Variants in NADK observed in about 807,000 individuals in gnomAD.
NADK encodes the protein NAD kinase, also known as poly(P)/ATP NAD kinase.
A neutral mutation model predicts 49.8 loss-of-function variants in NADK; 22 were observed. The ratio of observed to expected loss-of-function variants is 0.44; its 90% CI spans 0.32 to 0.63. NADK has a LOEUF of 0.63. Ranked by LOEUF, NADK falls within the 30% of genes least tolerant of loss-of-function variation. The pLI is 0.06. For synonymous variants in NADK, 268 were observed against 253.7 expected (o/e 1.06, Z -0.54); for missense variants, 438 against 609.4 (o/e 0.72, Z 2.96).
At chr1:1,767,072 G>A (rs1645911456) in intron 1 of NADK, among the ~76,000 whole-genome samples, 1 of 152,082 alleles carries the variant, frequency 6.6e-6, no homozygotes, top group Non-Finnish European at 1.5e-5. Context: ...GCGCCACCAC[G>A]CTCAGCTAAT....
At chr1:1,758,143 C>A (rs1041544709) in intron 3 of NADK, among the ~76,000 whole-genome samples, 1 of 152,244 alleles carries the variant, frequency 6.6e-6, no homozygotes, top group South Asian at 2.1e-4. Flanking sequence ...CTATCCTCAG[C>A]CCCAAAGGAC....
intron 1 of NADK, among the ~76,000 whole-genome samples, chr1:1,771,117 T>G (rs1646040078): frequency 6.8e-6 from 1 of 147,772 alleles, no homozygotes; most frequent in East Asian, 1.9e-4. Flanking sequence ...TATATCTTAT[T>G]AAAATATATA....
chr1:1,766,448 A>AAAAAAAAAAC (rs1359870253), intron 1 of NADK, among the ~76,000 whole-genome samples: 1 of 101,794 alleles, frequency 9.8e-6, no homozygotes, highest in Non-Finnish European at 2.1e-5. Flanking sequence ...AAAAAAAAAA[A>AAAAAAAAAAC]AAGACAGGCT....
Position 1,754,805 on chromosome 1 carries a change from G to C in NADK, c.689-107C>G. On this transcript the variant is annotated intron_variant, in intron 7 of 11. Coordinates refer to ENST00000341426, the MANE Select transcript of NADK (RefSeq NM_023018.5). This position sits in a 1 kb window ranked among gnomAD's most constrained non-coding sequence, Gnocchi z 4.3. Reference sequence around the variant, plus strand: ...GTCAGAGGGCTCTTTCTTCTCCCAAGTTGACACACTTCTGTGCCTTTTTCT... The same window carrying C: ...GTCAGAGGGCTCTTTCTTCTCCCAACTTGACACACTTCTGTGCCTTTTTCT... The C allele has an allele frequency of 9.7e-7, 1 of 1,032,288 alleles. No homozygotes were observed. Among genetic ancestry groups the C allele is most frequent in the Non-Finnish European group, 1.4e-6 (1 of 707,806 alleles). 63.9% of individuals were successfully genotyped at this position (1,032,288 alleles called of 1,614,324 possible). A position where few individuals can be genotyped will look rare whatever the true frequency, so the allele number is the denominator to read the frequency against.
At position 1,754,324 on chromosome 1, in the gene NADK, G is replaced by C. The variant is rs1346432549; in HGVS notation, c.903C>G (p.Val301=). ...TGGTGATGAGGTGTCCGTCCAGGTA[G>C]ACATCCACATTGGACAGGTAGGAGG... The part of the protein sequence containing the change: ...GPSSYLSNVD[V]YLDGHLITTV... The change falls in exon 9 of 12, where the codon GTC becomes GTG. Residue 301 remains valine, a synonymous_variant. Coordinates refer to ENST00000341426, the MANE Select transcript of NADK (RefSeq NM_023018.5). The surrounding 1 kb of genome is among the most constrained non-coding windows in gnomAD (Gnocchi z 4.3). The C allele has an allele frequency of 6.2e-7, 1 of 1,613,950 alleles. No homozygotes were observed. The highest frequency in any genetic ancestry group is 8.5e-7 in the Non-Finnish European group (1 of 1,179,964).
At chr1:1,774,591 G>A (rs542346922) in intron 1 of NADK, among the ~76,000 whole-genome samples, 8 of 148,748 alleles carry the variant, frequency 5.4e-5, no homozygotes, top group Non-Finnish European at 9.0e-5. Context: ...CTGGGATTAC[G>A]GGCGTGGCCA....
At chr1:1,759,543 C>A (rs532242327) in intron 3 of NADK, among the ~76,000 whole-genome samples, 1 of 152,254 alleles carries the variant, frequency 6.6e-6, no homozygotes, top group African/African-American at 2.4e-5. Context: ...CCTCACCAGG[C>A]GCCCCCACAG....
rs543317471 is a variant in NADK, at chr1:1,761,212, T to C, written c.263+740A>G. On this transcript the variant is annotated intron_variant, in intron 3 of 11. Coordinates refer to ENST00000341426, the MANE Select transcript of NADK (RefSeq NM_023018.5). Reference sequence around the variant, plus strand: ...TTCACCATATTGGCCAGGCTGGTCTTGAACTCCTGACCTCGTGATCCGCCC... The same window carrying C: ...TTCACCATATTGGCCAGGCTGGTCTCGAACTCCTGACCTCGTGATCCGCCC... 2.5e-4 allele frequency among the ~76,000 whole-genome samples: 38 copies of C among 152,298 alleles called. No individual in the cohort carries two copies. In the East Asian group the frequency reaches 6.2e-3, roughly 25 times the overall value.
In NADK at chr1:1,752,820, G is replaced by A. The variant is rs1049598452; in HGVS notation, c.*84C>T. 25 of 1,480,074 alleles carry A rather than the reference G, an allele frequency of 1.7e-5. No individual in the cohort carries two copies. The highest frequency in any genetic ancestry group is 1.6e-4 in the South Asian group (12 of 77,148). The allele number at this position is 1,480,074 out of a possible 1,614,324, so 91.7% of individuals were successfully genotyped here. ...AAGTGGCCGTGCCACTGAGACAGGC[G>A]GTCACAGACACACGCAGATTGGTCT... On this transcript the variant is annotated 3_prime_UTR_variant, in exon 12 of 12. Transcript: ENST00000341426.
chr1:1,763,064 C>T (rs932451316), intron 2 of NADK, among the ~76,000 whole-genome samples: 8 of 152,372 alleles, frequency 5.3e-5, no homozygotes, highest in South Asian at 2.1e-4. Context: ...TGCAGAAGAA[C>T]GGCCTTCCGC....
At position 1,758,683 on chromosome 1, in the gene NADK, A is replaced by G; in HGVS notation, c.264-1373T>C. ...CCTACACTTATAAAAATCAAACAAA[A>G]CAAAACAGTTTCCTCATTGGTCACA... On this transcript the variant is annotated intron_variant, in intron 3 of 11. Coordinates refer to ENST00000341426, the MANE Select transcript of NADK (RefSeq NM_023018.5). 13 of 1,299,540 alleles carry G rather than the reference A, an allele frequency of 1.0e-5. No homozygotes were observed. The South Asian group carries it at 2.1e-4, about 21-fold the overall frequency. The allele number at this position is 1,299,540 out of a possible 1,614,324, so 80.5% of individuals were successfully genotyped here. A position where few individuals can be genotyped will look rare whatever the true frequency, so the allele number is the denominator to read the frequency against.
chr1:1,752,703 T>C lies in NADK; in HGVS notation c.*201A>G. ...AGCACTCCCAGCCCATTTCTCACGC[T>C]TCTTTAGAAATGCAAAAAAAGTCAG... is the stretch of plus-strand genomic sequence containing the variant. On this transcript the variant is annotated 3_prime_UTR_variant, in exon 12 of 12. Coordinates refer to ENST00000341426, the MANE Select transcript of NADK (RefSeq NM_023018.5). 1.6e-6 allele frequency: 1 copy of C among 612,816 alleles called. No homozygotes were observed. The highest frequency in any genetic ancestry group is 1.9e-5 in the African/African-American group (1 of 53,774). The allele number at this position is 612,816 out of a possible 1,614,324, so 38.0% of individuals were successfully genotyped here.
chr1:1,755,044 C>A (rs576028414), intron 7 of NADK: 325 of 416,944 alleles, frequency 7.8e-4, no homozygotes, highest in Admixed American at 1.7e-3. Flanking sequence ...ATGGTCTCAT[C>A]TCTTGACCTC....
chr1:1,777,773 G>A (rs752226279), intron 1 of NADK, among the ~76,000 whole-genome samples: 9 of 152,174 alleles, frequency 5.9e-5, no homozygotes, highest in Non-Finnish European at 1.0e-4. Context: ...CCGCCTGTAG[G>A]AACATCACCA....
At chr1:1,762,904 G>C (rs1368524473) in intron 2 of NADK, among the ~76,000 whole-genome samples, 4 of 152,246 alleles carry the variant, frequency 2.6e-5, no homozygotes, top group Admixed American at 6.5e-5. Context: ...GTCCTGGGGA[G>C]AATGCTGTCA....
intron 1 of NADK, among the ~76,000 whole-genome samples, chr1:1,767,121 T>G (rs1247406141): frequency 6.6e-6 from 1 of 152,032 alleles, no homozygotes; most frequent in East Asian, 1.9e-4. Flanking sequence ...TTCACCATGT[T>G]GGCCAGGCTG....
At position 1,754,520 on chromosome 1, in the gene NADK, C is replaced by A; in HGVS notation, c.843+24G>T. ...AGTCGCCCCACCCTGGGCCCCTCAC[C>A]GAGGCCGAGGCGCCTCCACTCACCT... On this transcript the variant is annotated intron_variant, in intron 8 of 11. Coordinates refer to ENST00000341426, the MANE Select transcript of NADK (RefSeq NM_023018.5). This position sits in a 1 kb window ranked among gnomAD's most constrained non-coding sequence, Gnocchi z 4.3. 3.1e-6 allele frequency: 5 copies of A among 1,598,330 alleles called. No individual in the cohort carries two copies. Among genetic ancestry groups the A allele is most frequent in the Non-Finnish European group, 4.3e-6 (5 of 1,171,692 alleles).
At chr1:1,779,760 A>T (rs1646317917), upstream of NADK, 1 of 152,348 alleles carries the variant, frequency 6.6e-6, no homozygotes, top group Non-Finnish European at 1.5e-5. Flanking sequence ...CTCCCAAAGT[A>T]CTAGGATTAT....
chr1:1,754,280 T>A lies in NADK; in HGVS notation c.943+4A>T, dbSNP rs532424595. On this transcript the variant is annotated splice_donor_region_variant and intron_variant, in intron 9 of 11. Coordinates refer to ENST00000341426, the MANE Select transcript of NADK (RefSeq NM_023018.5). This position sits in a 1 kb window ranked among gnomAD's most constrained non-coding sequence, Gnocchi z 4.3. ...GGGCCCCAGGACAGTGCTGCGGGCC[T>A]TACCGTCGCCCTGCACCGTGGTGAT... The A allele has an allele frequency of 6.2e-7, 1 of 1,613,582 alleles. No individual in the cohort carries two copies. The highest frequency in any genetic ancestry group is 2.2e-5 in the East Asian group (1 of 44,878).
Sources: allele counts gnomAD v4.1 joint callset (sites outside exome capture counted in the v4.1 genomes callset), GRCh38; gene constraint gnomAD v4.1.1; non-coding constraint Gnocchi (gnomAD v3.1); transcripts MANE v1.5; gene names NCBI Gene and HGNC (gene_info 2026-07-23, HGNC 2026-07-21).